The following PTPRN2 variants were observed in gnomAD, a reference collection of about 807,000 sequenced individuals.
PTPRN2 encodes protein tyrosine phosphatase receptor type N2.
A neutral mutation model predicts 118.8 loss-of-function variants in PTPRN2; 74 were observed. The ratio of observed to expected loss-of-function variants is 0.62; its 90% CI spans 0.52 to 0.76. The LOEUF is 0.76. PTPRN2 is among the 30% of genes least tolerant of loss of function. PTPRN2 has a pLI of 0.00. For missense variants in PTPRN2, 1,481 were observed against 1,394.4 expected (o/e 1.06, Z -0.99); for synonymous variants, 641 against 608.0 (o/e 1.05, Z -0.80).
chr7:158,251,058 C>T (rs1796622813), intron 3 of PTPRN2, among the ~76,000 whole-genome samples: 1 of 151,986 alleles, frequency 6.6e-6, no homozygotes. Context: ...GGAGACAATT[C>T]CCTATCTAGG....
intron 1 of PTPRN2, among the ~76,000 whole-genome samples, chr7:158,495,226 A>T (rs1821743140): frequency 6.6e-6 from 1 of 152,216 alleles, no homozygotes; most frequent in African/African-American, 2.4e-5. Flanking sequence ...GCTAGGGCTT[A>T]CGACAGCCTG....
intron 2 of PTPRN2, among the ~76,000 whole-genome samples, chr7:158,337,513 T>A (rs865883639): frequency 6.8e-6 from 1 of 146,178 alleles, no homozygotes; most frequent in Admixed American, 6.7e-5. Flanking sequence ...GCACCCACAC[T>A]CTCACCATAA....
rs553909412 is a variant in PTPRN2, at chr7:157,650,220, C to T, written c.2196+6137G>A. ...GGGCTCCGTGCCTGGTCCTGTGTGG[C>T]GTGAAGGCTTCCCAAACCTGCCCGC... is the stretch of plus-strand genomic sequence containing the variant. On this transcript the variant is annotated intron_variant, in intron 14 of 22. Coordinates refer to ENST00000389418, the MANE Select transcript of PTPRN2 (RefSeq NM_002847.5). Among the ~76,000 whole-genome samples, 97 of 152,280 alleles carry T rather than the reference C, an allele frequency of 6.4e-4. 1 individual carries two copies. The South Asian group carries it at 0.015, about 23-fold the overall frequency.
At chr7:157,778,688 T>C (rs1803489717) in intron 12 of PTPRN2, among the ~76,000 whole-genome samples, 1 of 150,908 alleles carries the variant, frequency 6.6e-6, no homozygotes, top group South Asian at 2.1e-4. Context: ...TCCATGTGAA[T>C]ACATGCACTG....
chr7:157,601,999 A>G (rs1222475663), intron 16 of PTPRN2, among the ~76,000 whole-genome samples: 2 of 152,250 alleles, frequency 1.3e-5, no homozygotes, highest in Non-Finnish European at 2.9e-5. Flanking sequence ...AGGCTGGCAC[A>G]TCAGCGAGGC....
chr7:157,644,654 G>T (rs938283132), intron 14 of PTPRN2, among the ~76,000 whole-genome samples: 10 of 152,230 alleles, frequency 6.6e-5, no homozygotes, highest in Middle Eastern at 3.4e-3. Context: ...AATTAGCCAG[G>T]CGTGGTGGCT....
At chr7:158,031,312 C>T (rs1291742149) in intron 11 of PTPRN2, among the ~76,000 whole-genome samples, 1 of 152,198 alleles carries the variant, frequency 6.6e-6, no homozygotes, top group Non-Finnish European at 1.5e-5. Flanking sequence ...TTTCCTGCAT[C>T]CCTGTACTCA....
At chr7:158,332,886 C>T (rs576620299) in intron 2 of PTPRN2, among the ~76,000 whole-genome samples, 2 of 148,800 alleles carry the variant, frequency 1.3e-5, no homozygotes, top group Non-Finnish European at 2.9e-5. Flanking sequence ...TAAGAAGTGA[C>T]ACCTGCAAAC....
chr7:157,678,486 C>G (rs1360412645), intron 13 of PTPRN2, among the ~76,000 whole-genome samples: 3 of 152,216 alleles, frequency 2.0e-5, no homozygotes, highest in Non-Finnish European at 4.4e-5. Flanking sequence ...TGTCAGAACT[C>G]AGCTTTCTGC....
At chr7:157,736,144 T>A (rs1405802777) in intron 12 of PTPRN2, among the ~76,000 whole-genome samples, 3 of 152,178 alleles carry the variant, frequency 2.0e-5, no homozygotes, top group African/African-American at 7.2e-5. Context: ...TGGGGATACA[T>A]CACCCGATCA....
At chr7:158,514,795 G>T (rs1335971436) in intron 1 of PTPRN2, among the ~76,000 whole-genome samples, 2 of 152,152 alleles carry the variant, frequency 1.3e-5, no homozygotes, top group Non-Finnish European at 1.5e-5. Flanking sequence ...CCATCCATTT[G>T]GTTAACAGGA....
At position 158,535,460 on chromosome 7, in the gene PTPRN2, G is replaced by A. The variant is rs556260229; in HGVS notation, c.113-45675C>T. 5.3e-5 allele frequency among the ~76,000 whole-genome samples: 8 copies of A among 152,240 alleles called. No individual in the cohort carries two copies. In the South Asian group the frequency reaches 1.2e-3, roughly 24 times the overall value. On this transcript the variant is annotated intron_variant, in intron 1 of 22. Coordinates refer to ENST00000389418, the MANE Select transcript of PTPRN2 (RefSeq NM_002847.5). ...GGGAGGGTACCTGCATTTAATCTGT[G>A]CTGTTTTCGTTCTCCTGATACAGAA...
chr7:157,776,522 C>T (rs111161535), intron 12 of PTPRN2, among the ~76,000 whole-genome samples: 7 of 42,414 alleles, frequency 1.7e-4, no homozygotes, highest in African/African-American at 2.2e-4. Context: ...TCTCCTTCTC[C>T]CTCTCCTCTC....
chr7:158,127,719 C>T (rs1288269500), intron 9 of PTPRN2, among the ~76,000 whole-genome samples: 2 of 152,108 alleles, frequency 1.3e-5, no homozygotes, highest in Middle Eastern at 3.2e-3. Context: ...GTGTGTGAGC[C>T]GTGGTCTCTG....
chr7:157,921,947 G>A (rs562141436), intron 11 of PTPRN2, among the ~76,000 whole-genome samples: 6 of 152,310 alleles, frequency 3.9e-5, no homozygotes, highest in Non-Finnish European at 7.4e-5. Context: ...GAGACGGGGC[G>A]TGGAGTGGAA....
chr7:158,537,440 A>G (rs184989926), intron 1 of PTPRN2: 1 of 152,416 alleles, frequency 6.6e-6, no homozygotes, highest in African/African-American at 2.4e-5. Flanking sequence ...GCTGCAGCCC[A>G]AGGACAGGCC....
At chr7:158,123,718 A>T (rs1247798229) in intron 9 of PTPRN2, among the ~76,000 whole-genome samples, 1 of 152,196 alleles carries the variant, frequency 6.6e-6, no homozygotes, top group African/African-American at 2.4e-5. Context: ...GCTCACTATA[A>T]ACACTTTTTA....
chr7:157,806,296 G>A (rs2151106440), intron 12 of PTPRN2, among the ~76,000 whole-genome samples: 1 of 152,274 alleles, frequency 6.6e-6, no homozygotes, highest in East Asian at 1.9e-4. Flanking sequence ...CGATTTGGGG[G>A]CATTTTGGGT....
chr7:157,706,826 G>C (rs538952395), intron 12 of PTPRN2, among the ~76,000 whole-genome samples: 3 of 151,670 alleles, frequency 2.0e-5, no homozygotes, highest in African/African-American at 7.3e-5. Context: ...CCAGATCAAC[G>C]TGACCACATC....
Sources: allele counts gnomAD v4.1 joint callset (sites outside exome capture counted in the v4.1 genomes callset), GRCh38; gene constraint gnomAD v4.1.1; transcripts MANE v1.5; gene names NCBI Gene and HGNC (gene_info 2026-07-23, HGNC 2026-07-21).